FGFR1: variants seen among roughly 807,000 people sequenced by gnomAD.
FGFR1 encodes the protein fibroblast growth factor receptor 1.
In FGFR1, 18 loss-of-function variants were observed where a neutral mutation model predicts 93.7. That is an observed-to-expected ratio of 0.19 (90% CI 0.13 to 0.28). The LOEUF is 0.28. Among genes scored for constraint, FGFR1 ranks in the 10% least tolerant of loss-of-function variants. The pLI is 1.00. For missense variants in FGFR1, 731 were observed against 1,080.4 expected (o/e 0.68, Z 4.53); for synonymous variants, 448 against 429.3 (o/e 1.04, Z -0.54).
chr8:38,439,406 G>A (rs564581826), intron 2 of FGFR1, among the ~76,000 whole-genome samples: 8 of 152,252 alleles, frequency 5.3e-5, no homozygotes, highest in African/African-American at 1.4e-4. Flanking sequence ...GCCCCTCACC[G>A]TTGATTACAG....
At chr8:38,447,777 G>A (rs1475988405) in intron 2 of FGFR1, among the ~76,000 whole-genome samples, 2 of 152,100 alleles carry the variant, frequency 1.3e-5, no homozygotes, top group Admixed American at 6.6e-5. Flanking sequence ...AACTGCACCC[G>A]GCTGGTATTT....
chr8:38,445,998 AGAG>A (rs1181103006), intron 2 of FGFR1, among the ~76,000 whole-genome samples: 3 of 152,136 alleles, frequency 2.0e-5, no homozygotes, highest in South Asian at 4.1e-4. Flanking sequence ...GTTTGACACC[AGAG>A]GAGGAGAAGG....
intron 1 of FGFR1, chr8:38,459,121 G>A (rs2151388177): frequency 4.4e-6 from 1 of 227,352 alleles, no homozygotes; most frequent in Non-Finnish European, 8.7e-6. Context: ...GATCATAGCT[G>A]TTAACATTTA....
chr8:38,463,253 T>C (rs984653333), intron 1 of FGFR1: 1 of 174,740 alleles, frequency 5.7e-6, no homozygotes. Flanking sequence ...GCAACATCCA[T>C]GCCTCTGTGC....
intron 2 of FGFR1, among the ~76,000 whole-genome samples, chr8:38,447,934 T>C (rs1271269134): frequency 6.6e-6 from 1 of 152,214 alleles, no homozygotes; most frequent in African/African-American, 2.4e-5. Context: ...ATATGTTCTA[T>C]TGAATGCAAA....
At chr8:38,448,699 A>C (rs1209098904) in intron 2 of FGFR1, among the ~76,000 whole-genome samples, 1 of 152,230 alleles carries the variant, frequency 6.6e-6, no homozygotes, top group African/African-American at 2.4e-5. Context: ...TCACGCCTGT[A>C]ATCCCAGCAC....
chr8:38,425,106 A>G (rs1820254820), intron 6 of FGFR1, among the ~76,000 whole-genome samples: 1 of 151,452 alleles, frequency 6.6e-6, no homozygotes, highest in Admixed American at 6.6e-5. Context: ...GGAATCTCAG[A>G]TCTTACCCCA....
In FGFR1 at chr8:38,413,532, A is replaced by G; in HGVS notation, c.*96T>C. 7.2e-7 allele frequency: 1 copy of G among 1,392,792 alleles called. No individual in the cohort carries two copies. 86.3% of individuals were successfully genotyped at this position (1,392,792 alleles called of 1,614,324 possible). On this transcript the variant is annotated 3_prime_UTR_variant, in exon 18 of 18. Coordinates refer to ENST00000447712, the MANE Select transcript of FGFR1 (RefSeq NM_023110.3). This position sits in a 1 kb window ranked among gnomAD's most constrained non-coding sequence, Gnocchi z 4.2. ...TAGGCAGCCGGCTCCTGCCAGCAGG[A>G]AAGGGGACAGGGACGGACAGGTGGT...
intron 2 of FGFR1, among the ~76,000 whole-genome samples, chr8:38,456,463 C>T (rs73674170): frequency 4.1e-4 from 62 of 152,240 alleles, no homozygotes; most frequent in African/African-American, 1.4e-3. Context: ...TCAATCACTT[C>T]AAAACCCCTC....
At chr8:38,422,162 G>A (rs1035916901) in intron 7 of FGFR1, 12 of 578,770 alleles carry the variant, frequency 2.1e-5, no homozygotes, top group South Asian at 9.6e-5. Flanking sequence ...CTGAGAAGAC[G>A]ATGGCTGGTT....
intron 6 of FGFR1, among the ~76,000 whole-genome samples, chr8:38,425,738 C>G (rs1369429982): frequency 1.3e-5 from 2 of 152,352 alleles, no homozygotes; most frequent in African/African-American, 2.4e-5. Context: ...TAGACTAATA[C>G]TGCCCACCTT....
intron 8 of FGFR1, 177 bp downstream of exon 8, chr8:38,421,620 T>C (rs952397046): frequency 2.7e-6 from 2 of 727,484 alleles, no homozygotes; most frequent in African/African-American, 1.7e-5. Flanking sequence ...CTAGGGAAGC[T>C]CTTCTCTGAG....
At chr8:38,419,879 G>A (rs569502868) in intron 8 of FGFR1, 144 bp from the exon 9 acceptor site, 1 of 678,090 alleles carries the variant, frequency 1.5e-6, no homozygotes, top group Non-Finnish European at 2.6e-6. Flanking sequence ...CTAGGACTGG[G>A]ATTGTGGCAC....
intron 2 of FGFR1, among the ~76,000 whole-genome samples, chr8:38,443,828 C>T (rs930122051): frequency 1.3e-5 from 2 of 151,616 alleles, no homozygotes; most frequent in Admixed American, 6.6e-5. Context: ...CTGAGGTGGG[C>T]GGATCACATG....
rs2150549429 is a variant in FGFR1, at chr8:38,414,579, G to A, written c.2028C>T (p.Ile676=). The stretch of plus-strand genomic sequence containing the variant: ...CTCACACATCACTCTGGTGGGTGTA[G>A]ATCCGGTCAAATAATGCCTCGGGTG... The part of the protein sequence containing the change: ...WMAPEALFDR[I]YTHQSDVWSF... The change falls in exon 15 of 18, where the codon ATC becomes ATT. Residue 676 remains isoleucine (I), a synonymous_variant. Transcript: ENST00000447712. 3.7e-6 allele frequency: 6 copies of A among 1,614,016 alleles called. No homozygotes were observed. The highest frequency in any genetic ancestry group is 5.1e-6 in the Non-Finnish European group (6 of 1,180,004).
chr8:38,434,029 T>C (rs577948990), intron 2 of FGFR1, among the ~76,000 whole-genome samples: 73 of 152,380 alleles, frequency 4.8e-4, no homozygotes, highest in African/African-American at 1.7e-3. Flanking sequence ...TGTGATCTTT[T>C]GTGACTGGCT....
At position 38,466,903 on chromosome 8, in the gene FGFR1, CCCA is replaced by C. The variant is rs1351986415; in HGVS notation, c.-89+1075_-89+1077del. Among the ~76,000 whole-genome samples the C allele has an allele frequency of 8.0e-3, 1,002 of 125,706 alleles. 29 individuals carry two copies. The highest frequency in any genetic ancestry group is 0.019 in the African/African-American group (721 of 37,028). The allele number at this position is 125,706 out of a possible 152,430, so 82.5% of individuals were successfully genotyped here. ...AACAGGCTTCACACCCCACCCCCCCCCCACCACCACCAAAAAAGTGTCTGGCTG... is the reference window on the plus strand; with the variant it reads ...AACAGGCTTCACACCCCACCCCCCCCCCACCACCAAAAAAGTGTCTGGCTG... On this transcript the variant is annotated intron_variant, in intron 1 of 17. Coordinates refer to ENST00000447712, the MANE Select transcript of FGFR1 (RefSeq NM_023110.3).
In FGFR1 at chr8:38,429,657, G is replaced by C. The variant is rs779795784; in HGVS notation, c.358+25C>G. 2 of 1,556,886 alleles carry C rather than the reference G, an allele frequency of 1.3e-6. No homozygotes were observed. The highest frequency in any genetic ancestry group is 1.7e-6 in the Non-Finnish European group (2 of 1,149,796). On this transcript the variant is annotated intron_variant, in intron 3 of 17. Coordinates refer to ENST00000447712, the MANE Select transcript of FGFR1 (RefSeq NM_023110.3). This position sits in a 1 kb window ranked among gnomAD's most constrained non-coding sequence, Gnocchi z 4.4. ...CTGGAGGGGGTGGGTCTAGGGAGGG[G>C]CAAGGGCAGGGCTTGGCTACCAACC...
chr8:38,457,477 G>A lies in FGFR1; in HGVS notation c.-31C>T, dbSNP rs2151349704. ...TTCTGCAGTTAGAGGTTGGTGACAA[G>A]GCTCCACATCTCCATGGATACTCCA... On this transcript the variant is annotated 5_prime_UTR_variant, in exon 2 of 18. Transcript: ENST00000447712. 3.1e-6 allele frequency: 5 copies of A among 1,613,528 alleles called. No homozygotes were observed. The highest frequency in any genetic ancestry group is 4.2e-6 in the Non-Finnish European group (5 of 1,179,864).
Sources: gnomAD v4.1 joint callset for allele counts (sites outside exome capture counted in the v4.1 genomes callset) on GRCh38, gnomAD v4.1.1 for gene constraint, Gnocchi (gnomAD v3.1) non-coding constraint, MANE v1.5 for transcripts, NCBI Gene and HGNC (gene_info 2026-07-23, HGNC 2026-07-21) for gene names.